The following YWHAQ variants were observed in gnomAD, a reference collection of about 807,000 sequenced individuals.
YWHAQ encodes the protein tyrosine 3-monooxygenase/tryptophan 5-monooxygenase activation protein theta, also known as 14-3-3 protein theta.
Under a neutral mutation model 28.3 loss-of-function variants are expected in YWHAQ, and 6 were observed. The observed-to-expected ratio is 0.21, with a 90% CI of 0.12 to 0.42. The LOEUF is 0.42. Among genes scored for constraint, YWHAQ ranks in the 10% least tolerant of loss-of-function variants. YWHAQ has a pLI of 1.00. For synonymous variants in YWHAQ, 143 were observed against 119.1 expected, an observed-to-expected ratio of 1.20 and a Z score of -1.31; for missense variants, 201 against 305.6, an observed-to-expected ratio of 0.66 and a Z score of 2.55.
At chr2:9,585,447 C>T in intron 5 of YWHAQ, 102 bp from the exon 6 acceptor site, 2 of 1,294,252 alleles carry the variant, frequency 1.5e-6, no homozygotes, top group Non-Finnish European at 2.2e-6. Flanking sequence ...GTAAATTCCT[C>T]AAACAATGGA....
In YWHAQ at chr2:9,600,921, T is replaced by G. The variant is rs139667201; in HGVS notation, c.295-9406A>C. Among the ~76,000 whole-genome samples, 230 of 152,272 alleles carry G rather than the reference T, an allele frequency of 1.5e-3. 1 individual carries two copies. Among genetic ancestry groups the G allele is most frequent in the African/African-American group, 5.4e-3 (223 of 41,564 alleles). ...TTCTTGGCAATTAAGTATTTTCTATTTAAGGTACATACGCTGGTTTTTAGA... is the reference window on the plus strand; with the variant it reads ...TTCTTGGCAATTAAGTATTTTCTATGTAAGGTACATACGCTGGTTTTTAGA... On this transcript the variant is annotated intron_variant, in intron 2 of 5. Transcript: ENST00000238081.
intron 3 of YWHAQ, among the ~76,000 whole-genome samples, chr2:9,588,955 AAAT>A (rs1483616911): frequency 6.6e-6 from 1 of 151,922 alleles, no homozygotes; most frequent in African/African-American, 2.4e-5. Flanking sequence ...TCTCTACAAA[AAAT>A]AATAATAATA....
intron 2 of YWHAQ, among the ~76,000 whole-genome samples, chr2:9,624,701 T>C (rs1205426501): frequency 1.3e-5 from 2 of 151,848 alleles, no homozygotes; most frequent in East Asian, 3.9e-4. Flanking sequence ...TAAAATCACC[T>C]GGTTGAGTGA....
intron 2 of YWHAQ, among the ~76,000 whole-genome samples, chr2:9,609,375 C>T (rs1243061091): frequency 6.6e-6 from 1 of 151,960 alleles, no homozygotes; most frequent in Admixed American, 6.6e-5. Flanking sequence ...GAATAAATTA[C>T]TCAGAATACA....
intron 3 of YWHAQ, among the ~76,000 whole-genome samples, chr2:9,589,263 A>G (rs571292123): frequency 6.6e-6 from 1 of 152,308 alleles, no homozygotes; most frequent in Non-Finnish European, 1.5e-5. Flanking sequence ...TTTTAATTCT[A>G]TTACTTGGAA....
At chr2:9,607,977 G>T (rs1666869033) in intron 2 of YWHAQ, among the ~76,000 whole-genome samples, 1 of 151,932 alleles carries the variant, frequency 6.6e-6, no homozygotes, top group East Asian at 1.9e-4. Flanking sequence ...CAAAGTGCTG[G>T]TATTACAGGC....
chr2:9,608,237 T>C (rs983431427), intron 2 of YWHAQ, among the ~76,000 whole-genome samples: 2 of 151,900 alleles, frequency 1.3e-5, no homozygotes, highest in African/African-American at 4.8e-5. Context: ...TAAATAAAAA[T>C]AGAAAAAACA....
chr2:9,616,678 A>G (rs1352484691), intron 2 of YWHAQ, among the ~76,000 whole-genome samples: 2 of 152,228 alleles, frequency 1.3e-5, no homozygotes, highest in Non-Finnish European at 2.9e-5. Flanking sequence ...AGCATATACT[A>G]AAGGCCAATA....
rs1398712131 is a variant in YWHAQ at position 9,630,576 on chromosome 2, G to C, written c.-82-42C>G. On this transcript the variant is annotated intron_variant, in intron 1 of 5. Transcript: ENST00000238081. This position sits in a 1 kb window ranked among gnomAD's most constrained non-coding sequence, Gnocchi z 5.6. ...CGGCGAGGCGAGAACAAAAAGCAGA[G>C]AGGGAGCGCCGTCAGACAATGCGGC... 1 of 985,744 alleles carries C rather than the reference G, an allele frequency of 1.0e-6. No individual in the cohort carries two copies. Among genetic ancestry groups the C allele is most frequent in the African/African-American group, 1.7e-5 (1 of 59,864 alleles). 61.1% of individuals were successfully genotyped at this position (985,744 alleles called of 1,614,324 possible). A position where few individuals can be genotyped will look rare whatever the true frequency, so the allele number is the denominator to read the frequency against.
At chr2:9,623,747 G>T (rs1403332858) in intron 2 of YWHAQ, among the ~76,000 whole-genome samples, 1 of 151,770 alleles carries the variant, frequency 6.6e-6, no homozygotes, top group Admixed American at 6.6e-5. Flanking sequence ...ACTCTAGCCT[G>T]GGCAACAAGA....
In YWHAQ at chr2:9,586,976, T is replaced by C. The variant is rs1277631549; in HGVS notation, c.678+438A>G. On this transcript the variant is annotated intron_variant, in intron 5 of 5. Coordinates refer to ENST00000238081, the MANE Select transcript of YWHAQ (RefSeq NM_006826.4). Reference sequence around the variant, plus strand: ...AGCAGAGAAGGAGTAAGTTTAGGTATAGGTTTACTCCCTAAATGCTTGTAG... The same window carrying C: ...AGCAGAGAAGGAGTAAGTTTAGGTACAGGTTTACTCCCTAAATGCTTGTAG... Among the ~76,000 whole-genome samples, 4 of 152,206 alleles carry C rather than the reference T, an allele frequency of 2.6e-5. No homozygotes were observed. In the East Asian group the frequency reaches 7.7e-4, roughly 29 times the overall value.
intron 2 of YWHAQ, among the ~76,000 whole-genome samples, chr2:9,596,930 C>T (rs896945106): frequency 9.2e-5 from 14 of 152,164 alleles, no homozygotes; most frequent in African/African-American, 2.9e-4. Flanking sequence ...CAGGCCTGAG[C>T]CACGGTGCCC....
chr2:9,610,846 G>A lies in YWHAQ; in HGVS notation c.294+19313C>T, dbSNP rs145657329. Among the ~76,000 whole-genome samples the A allele has an allele frequency of 6.6e-3, 999 of 152,114 alleles. 3 individuals carry two copies. Among genetic ancestry groups the A allele is most frequent in the Non-Finnish European group, 0.01 (689 of 67,988 alleles). ...AAAATTAAATTTACCTTCCTGACAC[G>A]ATCTACTATTGATTCTGCTCCCCTA... On this transcript the variant is annotated intron_variant, in intron 2 of 5. Transcript: ENST00000238081.
At chr2:9,607,586 A>G (rs752549909) in intron 2 of YWHAQ, among the ~76,000 whole-genome samples, 3 of 152,114 alleles carry the variant, frequency 2.0e-5, no homozygotes, top group Admixed American at 2.0e-4. Flanking sequence ...TATGACTGTG[A>G]TTTCAGCACA....
intron 2 of YWHAQ, among the ~76,000 whole-genome samples, chr2:9,592,671 G>C (rs776609166): frequency 3.9e-5 from 6 of 152,148 alleles, no homozygotes; most frequent in Admixed American, 6.5e-5. Flanking sequence ...GTTGCAGTGA[G>C]CCGAGATCAT....
At chr2:9,602,820 T>A (rs1666718660) in intron 2 of YWHAQ, among the ~76,000 whole-genome samples, 1 of 108,354 alleles carries the variant, frequency 9.2e-6, no homozygotes, top group African/African-American at 3.6e-5. Context: ...TGAACCACCA[T>A]GCCTAATTTA....
intron 2 of YWHAQ, among the ~76,000 whole-genome samples, chr2:9,598,659 T>C (rs1221155031): frequency 6.6e-6 from 1 of 152,188 alleles, no homozygotes; most frequent in Non-Finnish European, 1.5e-5. Context: ...ACTACTGTAA[T>C]TGTTTTGGGG....
Position 9,595,095 on chromosome 2 carries a change from C to T in YWHAQ, c.295-3580G>A, listed in dbSNP as rs192469883. Reference sequence around the variant, plus strand: ...CATTACTTCCATCCTGGAGTTTCAGCCAGGTATCATGGTTCTTTGTCAGAT... The same window carrying T: ...CATTACTTCCATCCTGGAGTTTCAGTCAGGTATCATGGTTCTTTGTCAGAT... On this transcript the variant is annotated intron_variant, in intron 2 of 5. Coordinates refer to ENST00000238081, the MANE Select transcript of YWHAQ (RefSeq NM_006826.4). 1.4e-4 allele frequency among the ~76,000 whole-genome samples: 21 copies of T among 152,248 alleles called. No homozygotes were observed. The East Asian group carries it at 4.1e-3, about 29-fold the overall frequency.
intron 3 of YWHAQ, among the ~76,000 whole-genome samples, chr2:9,590,524 T>C (rs965143048): frequency 2.0e-5 from 3 of 152,186 alleles, no homozygotes; most frequent in African/African-American, 7.2e-5. Context: ...AAATAAGGAC[T>C]GACACTTCTA....
Sources: allele counts gnomAD v4.1 joint callset (sites outside exome capture counted in the v4.1 genomes callset), GRCh38; gene constraint gnomAD v4.1.1; non-coding constraint Gnocchi (gnomAD v3.1); transcripts MANE v1.5; gene names NCBI Gene and HGNC (gene_info 2026-07-23, HGNC 2026-07-21).